Variants in PNISR observed in about 807,000 individuals in gnomAD.
The protein encoded by PNISR is arginine/serine-rich protein PNISR.
Under a neutral mutation model 93.4 loss-of-function variants are expected in PNISR, and 20 were observed. The observed-to-expected ratio is 0.21, with a 90% CI of 0.15 to 0.31. PNISR has a LOEUF of 0.31. Ranked by LOEUF, PNISR falls within the 10% of genes least tolerant of loss-of-function variation. The probability of loss-of-function intolerance (pLI) is 1.00; values close to 1 mark genes in which losing one functional copy is unlikely to be tolerated. For missense variants in PNISR, 893 were observed against 985.4 expected (o/e 0.91, Z 1.25); for synonymous variants, 305 against 306.5 (o/e 0.99, Z 0.05).
intron 1 of PNISR, among the ~76,000 whole-genome samples, chr6:99,419,999 C>T (rs1470124602): frequency 6.6e-6 from 1 of 152,048 alleles, no homozygotes; most frequent in Non-Finnish European, 1.5e-5. Flanking sequence ...ATTCTCCTGC[C>T]TCAGCCTCCC....
intron 2 of PNISR, chr6:99,415,126 T>G (rs1777508772): frequency 6.6e-6 from 1 of 152,210 alleles, no homozygotes; most frequent in African/African-American, 2.4e-5. Context: ...AGAACAGAAT[T>G]AGAAAACTAT....
Position 99,400,681 on chromosome 6 carries a change from C to G in PNISR, c.2277G>C (p.Arg759Ser). The change falls in exon 12 of 12, where the codon AGG becomes AGC. Residue 759 changes from arginine (R) to serine (S), a missense_variant. By Grantham distance (110) the Arg-to-Ser change is moderately radical. Transcript: ENST00000369239. ...KKHSGSDSSG[R>S]SSSESPGSSK... ...TACTTCCTGGAGACTCAGAACTGCTCCTTCCACTAGAATCAGAGCCTGAAT... is the reference window on the plus strand; with the variant it reads ...TACTTCCTGGAGACTCAGAACTGCTGCTTCCACTAGAATCAGAGCCTGAAT... 1 of 1,613,898 alleles carries G rather than the reference C, an allele frequency of 6.2e-7. No homozygotes were observed.
chr6:99,414,235 C>T (rs1325883170), intron 3 of PNISR, among the ~76,000 whole-genome samples: 2 of 152,288 alleles, frequency 1.3e-5, no homozygotes, highest in East Asian at 1.9e-4. Context: ...CCATCCAGTT[C>T]AATATAATAT....
chr6:99,407,086 G>A (rs528873775), intron 7 of PNISR, among the ~76,000 whole-genome samples: 18 of 152,178 alleles, frequency 1.2e-4, no homozygotes, highest in African/African-American at 3.9e-4. Flanking sequence ...TTGGGGGGCC[G>A]AGGTGGGAGA....
intron 9 of PNISR, 84 bp downstream of exon 9, chr6:99,404,519 A>G (rs1303577865): frequency 1.3e-6 from 1 of 773,548 alleles, no homozygotes; most frequent in Admixed American, 1.7e-5. Flanking sequence ...GTAGAAATCC[A>G]ACAAGGACAA....
intron 4 of PNISR, chr6:99,412,330 G>A (rs1777046549): frequency 3.0e-6 from 2 of 659,740 alleles, no homozygotes; most frequent in Non-Finnish European, 5.6e-6. Flanking sequence ...TAGGAATGAA[G>A]AACCAAGAAA....
In PNISR at chr6:99,414,401, C is replaced by T. The variant is rs561514810; in HGVS notation, c.88+171G>A. On this transcript the variant is annotated intron_variant, in intron 3 of 11. Coordinates refer to ENST00000369239, the MANE Select transcript of PNISR (RefSeq NM_032870.4). ...TTTGAGAGTCTTCCAAAGGGAAGTCCATTTCCTGCTATATATGCTATGGCA... is the reference window on the plus strand; with the variant it reads ...TTTGAGAGTCTTCCAAAGGGAAGTCTATTTCCTGCTATATATGCTATGGCA... Among the ~76,000 whole-genome samples, 3 of 152,268 alleles carry T rather than the reference C, an allele frequency of 2.0e-5. No homozygotes were observed. The South Asian group carries it at 6.2e-4, about 32-fold the overall frequency.
intron 7 of PNISR, among the ~76,000 whole-genome samples, chr6:99,406,681 T>C (rs1776191896): frequency 6.6e-6 from 1 of 152,198 alleles, no homozygotes; most frequent in Admixed American, 6.5e-5. Flanking sequence ...TAAAACATGC[T>C]TCTTTTTAGC....
intron 1 of PNISR, among the ~76,000 whole-genome samples, chr6:99,419,053 G>C (rs904539592): frequency 2.0e-5 from 3 of 150,736 alleles, no homozygotes; most frequent in Admixed American, 1.3e-4. Context: ...CGGAGGCTGA[G>C]GCAGGAGAAC....
At chr6:99,409,079 G>A (rs1776511711) in intron 6 of PNISR, 94 bp downstream of exon 6, 6 of 976,590 alleles carry the variant, frequency 6.1e-6, no homozygotes, top group Non-Finnish European at 9.6e-6. Context: ...ACACATCAGA[G>A]ATACTCAAAC....
chr6:99,400,591 C>T lies in PNISR; in HGVS notation c.2367G>A (p.Arg789=). The T allele has an allele frequency of 6.2e-7, 1 of 1,614,006 alleles. No individual in the cohort carries two copies. Residue 789 remains arginine, a synonymous_variant, in exon 12 of 12, where the codon AGG becomes AGA. Transcript: ENST00000369239. ...GTTTGCGGCTTGCCTTCTTACCAGA[C>T]CTTTGAGATTTCTCCACGGATCGCG... ...SRSRSVEKSQ[R]SGKKASRKHK...
intron 4 of PNISR, chr6:99,412,114 AGGTAGGCGGAT>A (rs1777018969): frequency 3.3e-6 from 1 of 307,042 alleles, no homozygotes; most frequent in Admixed American, 3.9e-5. Flanking sequence ...GGGAAGAAAA[AGGTAGGCGGAT>A]GGTAGGGGCA....
intron 7 of PNISR, among the ~76,000 whole-genome samples, chr6:99,407,752 G>A (rs1554214539): frequency 1.3e-5 from 2 of 152,162 alleles, no homozygotes; most frequent in Non-Finnish European, 2.9e-5. Flanking sequence ...AAAAGAGGGA[G>A]ATTTTATTTC....
chr6:99,425,286 C>T lies in PNISR; in HGVS notation c.-183G>A. The T allele has an allele frequency of 1.6e-6, 2 of 1,232,146 alleles. No homozygotes were observed. The highest frequency in any genetic ancestry group is 2.0e-6 in the Non-Finnish European group (2 of 987,924). 76.3% of individuals were successfully genotyped at this position (1,232,146 alleles called of 1,614,324 possible). A position where few individuals can be genotyped will look rare whatever the true frequency, so the allele number is the denominator to read the frequency against. ...CTCTCCAACGCTTTCGATGCTTCTACTTCTTCGGGAACAAGACAAGATGGC... is the reference window on the plus strand; with the variant it reads ...CTCTCCAACGCTTTCGATGCTTCTATTTCTTCGGGAACAAGACAAGATGGC... On this transcript the variant is annotated 5_prime_UTR_variant, in exon 1 of 12. Coordinates refer to ENST00000369239, the MANE Select transcript of PNISR (RefSeq NM_032870.4).
intron 1 of PNISR, among the ~76,000 whole-genome samples, chr6:99,424,109 T>G (rs894297450): frequency 9.2e-5 from 14 of 152,134 alleles, no homozygotes; most frequent in Admixed American, 8.5e-4. Flanking sequence ...CATCAAAAAC[T>G]AGTTAAGCCT....
chr6:99,401,563 A>G lies in PNISR; in HGVS notation c.1395T>C (p.Ser465=). The change falls in exon 12 of 12, where the codon AGT becomes AGC. Residue 465 remains serine (S), a synonymous_variant. Transcript: ENST00000369239. ...CTTCTCTTGCTTCTAGTAGTGATAA[A>G]CTATTTTGCTCTTTATGGATAAATT... is the stretch of plus-strand genomic sequence containing the variant. ...MNEFIHKEQN[S]LSLLEAREAD... 6.3e-7 allele frequency: 1 copy of G among 1,597,546 alleles called. No homozygotes were observed. Among genetic ancestry groups the G allele is most frequent in the African/African-American group, 1.4e-5 (1 of 73,600 alleles).
chr6:99,419,091 A>G (rs1429229254), intron 1 of PNISR, among the ~76,000 whole-genome samples: 2 of 130,796 alleles, frequency 1.5e-5, no homozygotes, highest in African/African-American at 5.8e-5. Flanking sequence ...TGGAAGTCGC[A>G]GTGAGCTGAG....
intron 9 of PNISR, chr6:99,404,283 G>GT (rs1775865174): frequency 2.6e-6 from 1 of 390,060 alleles, no homozygotes. Flanking sequence ...AAAATAAACT[G>GT]TATCAGAAGT....
rs557427088 is a variant in PNISR at position 99,398,504 on chromosome 6, A to G, written c.*2036T>C. 3 of 152,274 alleles carry G rather than the reference A, an allele frequency of 2.0e-5. No individual in the cohort carries two copies. The South Asian group carries it at 6.2e-4, about 32-fold the overall frequency. 9.4% of individuals were successfully genotyped at this position (152,274 alleles called of 1,614,324 possible). ...ATCAAATTATAACACTGGTTTATGT[A>G]CTAATAATCACAAATATCATGACGG... On this transcript the variant is annotated 3_prime_UTR_variant, in exon 12 of 12. Transcript: ENST00000369239.
Sources: gnomAD v4.1 joint callset for allele counts (sites outside exome capture counted in the v4.1 genomes callset) on GRCh38, gnomAD v4.1.1 for gene constraint, MANE v1.5 for transcripts, NCBI Gene and HGNC (gene_info 2026-07-23, HGNC 2026-07-21) for gene names.